Variants in CFAP96 observed in about 807,000 individuals in gnomAD.
CFAP96 encodes the protein cilia and flagella associated protein 96, also known as cilia-and flagella-associated protein 96.
the CFAP96 span, chr4:185,435,937 T>C: frequency 1.3e-6 from 1 of 790,190 alleles, no homozygotes; most frequent in Non-Finnish European, 1.9e-6. Context: ...AGATTAAAAC[T>C]AGCATTTTTT....
At chr4:185,440,956 ATT>A in the CFAP96 span, among the ~76,000 whole-genome samples, 31 of 144,298 alleles carry the variant, frequency 2.1e-4, no homozygotes, top group East Asian at 4.2e-4. Flanking sequence ...TGAATTTATA[ATT>A]TTTTTTTTTT....
the CFAP96 span, chr4:185,418,357 T>C: frequency 9.4e-7 from 1 of 1,068,972 alleles, no homozygotes; most frequent in East Asian, 2.5e-5. Flanking sequence ...GATAAGAGGG[T>C]TAAATTATTT....
At chr4:185,430,101 A>G in the CFAP96 span, among the ~76,000 whole-genome samples, 46 of 152,306 alleles carry the variant, frequency 3.0e-4, no homozygotes, top group Middle Eastern at 3.4e-3. Flanking sequence ...TTTTGGTTAG[A>G]TGGGACACTC....
the CFAP96 span, chr4:185,425,941 C>T: frequency 1.3e-6 from 2 of 1,538,710 alleles, no homozygotes; most frequent in South Asian, 1.2e-5. Flanking sequence ...GAAGTGGTGT[C>T]ACCGCACGGC....
chr4:185,416,911 T>TA, the CFAP96 span, among the ~76,000 whole-genome samples: 1 of 152,236 alleles, frequency 6.6e-6, no homozygotes. Context: ...CACCACTTTG[T>TA]AATCACCAGA....
At chr4:185,415,587 G>T in the CFAP96 span, 3 of 923,704 alleles carry the variant, frequency 3.2e-6, no homozygotes, top group East Asian at 2.6e-5. Context: ...TTAATAGATG[G>T]CTCTTAGGTT....
chr4:185,411,682 G>T, the CFAP96 span, among the ~76,000 whole-genome samples: 1 of 152,100 alleles, frequency 6.6e-6, no homozygotes. Context: ...AAAAGAGGGA[G>T]AAATGAAGCA....
At chr4:185,444,838 T>G in the CFAP96 span, 1 of 802,374 alleles carries the variant, frequency 1.2e-6, no homozygotes, top group Non-Finnish European at 2.0e-6. Context: ...GTATTTGAAT[T>G]AAACAGTATC....
chr4:185,426,624 A>G, the CFAP96 span, among the ~76,000 whole-genome samples: 3 of 152,218 alleles, frequency 2.0e-5, no homozygotes, highest in African/African-American at 7.2e-5. Context: ...GGCAGCATCT[A>G]TGCCTTCTTA....
the CFAP96 span, among the ~76,000 whole-genome samples, chr4:185,430,445 C>A: frequency 6.6e-6 from 1 of 152,162 alleles, no homozygotes; most frequent in African/African-American, 2.4e-5. Context: ...AAAAGGATAT[C>A]TATGAAAATA....
the CFAP96 span, among the ~76,000 whole-genome samples, chr4:185,443,192 A>G: frequency 0.85 from 128,142 of 150,960 alleles, 55,296 homozygotes; most frequent in East Asian, 0.99. Flanking sequence ...CAATTCTTAC[A>G]TTTCTTTCTC....
At chr4:185,417,244 G>C in the CFAP96 span, among the ~76,000 whole-genome samples, 1 of 152,142 alleles carries the variant, frequency 6.6e-6, no homozygotes, top group Non-Finnish European at 1.5e-5. Context: ...TCCAAAAGGA[G>C]GGACAGTCTT....
chr4:185,429,211 A>G, the CFAP96 span: 11 of 422,094 alleles, frequency 2.6e-5, no homozygotes, highest in Non-Finnish European at 4.5e-5. Context: ...TTCCCCATGG[A>G]GTATGAGGCT....
the CFAP96 span, among the ~76,000 whole-genome samples, chr4:185,424,848 A>C: frequency 6.6e-6 from 1 of 152,232 alleles, no homozygotes; most frequent in Admixed American, 6.5e-5. Flanking sequence ...ACAACTTCCC[A>C]GGGTTGTTAT....
the CFAP96 span, among the ~76,000 whole-genome samples, chr4:185,409,037 T>C: frequency 2.2e-4 from 33 of 152,306 alleles, no homozygotes; most frequent in African/African-American, 7.7e-4. Context: ...AGTGAGTACA[T>C]ACACTGTGTC....
the CFAP96 span, among the ~76,000 whole-genome samples, chr4:185,420,526 A>G: frequency 6.6e-6 from 1 of 152,186 alleles, no homozygotes; most frequent in Non-Finnish European, 1.5e-5. Flanking sequence ...AACAACGACC[A>G]TACTGGTATC....
the CFAP96 span, among the ~76,000 whole-genome samples, chr4:185,426,879 CAAAAAAAAAAAAAAAAAA>C: frequency 9.1e-4 from 63 of 69,038 alleles, no homozygotes; most frequent in South Asian, 0.011. Context: ...CTAAAAATAC[CAAAAAAAAAAAAAAAAAA>C]AAAAAAAAAA....
the CFAP96 span, chr4:185,445,347 T>C: frequency 6.8e-6 from 5 of 735,432 alleles, no homozygotes; most frequent in Middle Eastern, 7.2e-4. Context: ...GCTTAAGTTA[T>C]CTGCACCAAA....
the CFAP96 span, among the ~76,000 whole-genome samples, chr4:185,420,788 G>A: frequency 1.3e-5 from 2 of 152,204 alleles, no homozygotes; most frequent in Non-Finnish European, 2.9e-5. Flanking sequence ...GAAGCCCTTT[G>A]TTGAGTGTTG....
Sources: gnomAD v4.1 joint callset for allele counts (sites outside exome capture counted in the v4.1 genomes callset) on GRCh38, gnomAD v4.1.1 for gene constraint, MANE v1.5 for transcripts, NCBI Gene and HGNC (gene_info 2026-07-23, HGNC 2026-07-21) for gene names.